Variants in LRRC37A observed in about 807,000 individuals in gnomAD.
LRRC37A encodes the protein leucine rich repeat containing 37A.
LRRC37A carries 3 observed loss-of-function variants against 35.4 expected under a neutral mutation model. The observed-to-expected ratio is 0.08, with a 90% CI of 0.04 to 0.22. The LOEUF (loss-of-function observed/expected upper bound fraction) is 0.22, where lower values mean the gene tolerates loss of function less well. LRRC37A is among the 10% of genes least tolerant of loss of function. The probability of loss-of-function intolerance (pLI) is 1.00; values close to 1 mark genes in which losing one functional copy is unlikely to be tolerated. For synonymous variants in LRRC37A, 23 were observed against 215.0 expected (o/e 0.11, Z 7.81); for missense variants, 67 against 565.3 (o/e 0.12, Z 8.94).
the LRRC37A span, among the ~76,000 whole-genome samples, chr17:46,277,938 G>C: frequency 6.6e-6 from 1 of 151,648 alleles, no homozygotes. Context: ...CACCATGCCT[G>C]GTCTGGGTAG....
chr17:46,250,194 G>T, the LRRC37A span, among the ~76,000 whole-genome samples: 1 of 152,204 alleles, frequency 6.6e-6, no homozygotes, highest in Non-Finnish European at 1.5e-5. Context: ...GCCTCCCAAA[G>T]TGCTGGGATT....
rs1390497906 is a variant in LRRC37A at position 46,323,546 on chromosome 17, GCCA to G, written c.3053+524_3053+526del. On this transcript the variant is annotated intron_variant, in intron 7 of 13. Coordinates refer to ENST00000320254, the Ensembl canonical transcript of LRRC37A. Reference sequence around the variant, plus strand: ...CGAGTAGCTGGGATTACAGGCGCATGCCACCACACCTGGCTAATTTTTGTATTT... The same window carrying G: ...CGAGTAGCTGGGATTACAGGCGCATGCCACACCTGGCTAATTTTTGTATTT... 2.2e-5 allele frequency among the ~76,000 whole-genome samples: 2 copies of G among 90,288 alleles called. 1 individual carries two copies. The highest frequency in any genetic ancestry group is 5.0e-5 in the Non-Finnish European group (2 of 39,734). The allele number at this position is 90,288 out of a possible 152,430, so 59.2% of individuals were successfully genotyped here.
At chr17:46,271,168 T>TTTTCTTTTCTTTTC in the LRRC37A span, among the ~76,000 whole-genome samples, 1 of 112,730 alleles carries the variant, frequency 8.9e-6, no homozygotes, top group Non-Finnish European at 2.3e-5. Context: ...TAGTTTCTTT[T>TTTTCTTTTCTTTTC]TTTTTTTTTT....
chr17:46,278,297 C>A, the LRRC37A span, among the ~76,000 whole-genome samples: 1 of 152,192 alleles, frequency 6.6e-6, no homozygotes, highest in Admixed American at 6.6e-5. Context: ...TTCATTTAAG[C>A]CCTGTGATGG....
upstream of LRRC37A, among the ~76,000 whole-genome samples, chr17:46,289,653 T>C (rs1414411760): frequency 6.6e-6 from 1 of 152,182 alleles, no homozygotes; most frequent in African/African-American, 2.4e-5. Context: ...ATCTGACACA[T>C]TTATAAATTT....
At chr17:46,286,697 T>C in the LRRC37A span, among the ~76,000 whole-genome samples, 1 of 152,218 alleles carries the variant, frequency 6.6e-6, no homozygotes, top group Non-Finnish European at 1.5e-5. Context: ...GTATAACAAA[T>C]GTAGAAAAAA....
At chr17:46,253,514 A>C in the LRRC37A span, among the ~76,000 whole-genome samples, 2 of 152,208 alleles carry the variant, frequency 1.3e-5, no homozygotes, top group Admixed American at 6.5e-5. Context: ...CGGGAGGCCG[A>C]GGCTGGCGGA....
At chr17:46,258,707 CTTT>C in the LRRC37A span, among the ~76,000 whole-genome samples, 15 of 81,120 alleles carry the variant, frequency 1.8e-4, no homozygotes, top group African/African-American at 4.9e-4. Flanking sequence ...GACTATTATT[CTTT>C]TTTTTTTTTT....
At chr17:46,254,093 C>T in the LRRC37A span, among the ~76,000 whole-genome samples, 1 of 152,208 alleles carries the variant, frequency 6.6e-6, no homozygotes, top group Non-Finnish European at 1.5e-5. Flanking sequence ...AGTGCCTCAT[C>T]CTCACAACGA....
the LRRC37A span, among the ~76,000 whole-genome samples, chr17:46,248,722 G>A: frequency 2.0e-5 from 3 of 152,020 alleles, no homozygotes; most frequent in Non-Finnish European, 4.4e-5. Context: ...GTTTCACCAT[G>A]TTGGCCAGGC....
rs569382017 is a variant in LRRC37A at position 46,332,849 on chromosome 17, G to A, written c.4809+193G>A. On this transcript the variant is annotated intron_variant, in intron 10 of 13. Transcript: ENST00000320254. The stretch of plus-strand genomic sequence containing the variant: ...ATTTCAGGATTTTTAAAGGATCCTC[G>A]CTTTCAGATCTCTGTGAATTGAAAC... Among the ~76,000 whole-genome samples, 23 of 149,746 alleles carry A rather than the reference G, an allele frequency of 1.5e-4. 1 individual carries two copies. The highest frequency in any genetic ancestry group is 4.2e-4 in the South Asian group (2 of 4,764).
the LRRC37A span, among the ~76,000 whole-genome samples, chr17:46,271,571 C>T: frequency 6.6e-6 from 1 of 152,032 alleles, no homozygotes; most frequent in Non-Finnish European, 1.5e-5. Context: ...GAAAGTCCAC[C>T]AGGTTGGCTC....
the LRRC37A span, among the ~76,000 whole-genome samples, chr17:46,282,086 C>T: frequency 3.3e-5 from 5 of 151,924 alleles, no homozygotes; most frequent in African/African-American, 1.2e-4. Context: ...TGGGCTTGTC[C>T]TTCAGTTTTT....
the LRRC37A span, among the ~76,000 whole-genome samples, chr17:46,254,565 G>A: frequency 4.4e-4 from 66 of 148,506 alleles, no homozygotes; most frequent in African/African-American, 1.4e-3. Context: ...TTTTTGAGAC[G>A]CAGTCTCATT....
the LRRC37A span, among the ~76,000 whole-genome samples, chr17:46,265,130 A>C: frequency 6.6e-6 from 1 of 152,172 alleles, no homozygotes; most frequent in Admixed American, 6.5e-5. Context: ...GCTCTTTTGG[A>C]GGGAGAAGAT....
chr17:46,290,792 G>A (rs1319917158), upstream of LRRC37A, among the ~76,000 whole-genome samples: 1 of 152,214 alleles, frequency 6.6e-6, no homozygotes, highest in East Asian at 1.9e-4. Context: ...ACTTCATATA[G>A]ATGTCTATGA....
the LRRC37A span, among the ~76,000 whole-genome samples, chr17:46,255,428 C>T: frequency 1.0e-4 from 14 of 139,916 alleles, no homozygotes; most frequent in Admixed American, 3.7e-4. Context: ...TGCAGTGGCG[C>T]GATCTCTGCT....
At chr17:46,257,385 G>A in the LRRC37A span, among the ~76,000 whole-genome samples, 16 of 150,598 alleles carry the variant, frequency 1.1e-4, no homozygotes, top group African/African-American at 3.2e-4. Context: ...CCTGGGAGGC[G>A]GAGGTTGCAG....
At chr17:46,259,019 A>T in the LRRC37A span, among the ~76,000 whole-genome samples, 238 of 79,412 alleles carry the variant, frequency 3.0e-3, 2 homozygotes, top group South Asian at 0.015. Flanking sequence ...CACCCGGCCT[A>T]TTTTTTTTTT....
Sources: allele counts gnomAD v4.1 joint callset (sites outside exome capture counted in the v4.1 genomes callset), GRCh38; gene constraint gnomAD v4.1.1; transcripts MANE v1.5; gene names NCBI Gene and HGNC (gene_info 2026-07-23, HGNC 2026-07-21).